MYBBP1A: variants seen among roughly 807,000 people sequenced by gnomAD.
MYBBP1A encodes the protein myb-binding protein 1A.
MYBBP1A carries 147 observed loss-of-function variants against 136.3 expected under a neutral mutation model. The observed-to-expected ratio is 1.08, with a 90% CI of 0.94 to 1.24. The LOEUF (loss-of-function observed/expected upper bound fraction) is 1.24. MYBBP1A is among the 50% of genes most tolerant of loss of function. The pLI is 0.00. For synonymous variants in MYBBP1A, 947 were observed against 735.8 expected (o/e 1.29, Z -4.65); for missense variants, 2,060 against 1,727.4 (o/e 1.19, Z -3.41).
At position 4,539,543 on chromosome 17, in the gene MYBBP1A, A is replaced by G; in HGVS notation, c.3859T>C (p.Leu1287=). Residue 1287 remains leucine (L), a synonymous_variant, in exon 26 of 26, where the codon TTG becomes CTG. Transcript: ENST00000254718. ...AGCGCGGACAGTGGTGATTTGCCCA[A>G]GACCCCCTTTTTGGGAAGAGCCTTC... ...HQKALPKKGV[L]GKSPLSALAR... 6.2e-7 allele frequency: 1 copy of G among 1,614,144 alleles called. No homozygotes were observed. The highest frequency in any genetic ancestry group is 8.5e-7 in the Non-Finnish European group (1 of 1,180,028).
At chr17:4,544,990 T>TGCCCCCCCCC in intron 17 of MYBBP1A, 36 bp downstream of exon 17, 2 of 699,542 alleles carry the variant, frequency 2.9e-6, no homozygotes, top group Non-Finnish European at 1.9e-6. Context: ...ACCCGAGCCC[T>TGCCCCCCCCC]CCCCGGCCGC....
chr17:4,543,884 C>T (rs1193322051), intron 19 of MYBBP1A, among the ~76,000 whole-genome samples: 1 of 148,042 alleles, frequency 6.8e-6, no homozygotes, highest in Non-Finnish European at 1.5e-5. Flanking sequence ...CAGACTCAGA[C>T]CCTTCCCCAC....
At position 4,548,092 on chromosome 17, in the gene MYBBP1A, C is replaced by A; in HGVS notation, c.1725-35G>T. ...GACAGGCGATTCCCAGGCCCCTGCA[C>A]CAGTCAGACTGCAGCGTCCTGCCCA... On this transcript the variant is annotated intron_variant, in intron 12 of 25. Coordinates refer to ENST00000254718, the MANE Select transcript of MYBBP1A (RefSeq NM_014520.4). The surrounding 1 kb of genome is among the most constrained non-coding windows in gnomAD (Gnocchi z 4.2). 1 of 1,601,418 alleles carries A rather than the reference C, an allele frequency of 6.2e-7. No individual in the cohort carries two copies. The highest frequency in any genetic ancestry group is 8.5e-7 in the Non-Finnish European group (1 of 1,177,310).
rs1355077777 is a variant in MYBBP1A at position 4,552,668 on chromosome 17, GT to G, written c.562-43del. 6.3e-7 allele frequency: 1 copy of G among 1,582,820 alleles called. No homozygotes were observed. Among genetic ancestry groups the G allele is most frequent in the East Asian group, 2.2e-5 (1 of 44,532 alleles). Reference sequence around the variant, plus strand: ...AAGAAATCGTGACTTCCTCTGCGGGGTGAGCCTGGTGGATCCTGTTCTACCT... The same window carrying G: ...AAGAAATCGTGACTTCCTCTGCGGGGGAGCCTGGTGGATCCTGTTCTACCT... On this transcript the variant is annotated intron_variant, in intron 5 of 25. Coordinates refer to ENST00000254718, the MANE Select transcript of MYBBP1A (RefSeq NM_014520.4). The surrounding 1 kb of genome is among the most constrained non-coding windows in gnomAD (Gnocchi z 4.7).
intron 8 of MYBBP1A, 87 bp downstream of exon 8, chr17:4,551,793 C>T: frequency 8.4e-7 from 1 of 1,186,874 alleles, no homozygotes; most frequent in Non-Finnish European, 1.2e-6. Flanking sequence ...CTAGCCAAGC[C>T]CCCGAGGTGC....
intron 2 of MYBBP1A, 52 bp downstream of exon 2, chr17:4,554,809 C>A: frequency 6.4e-7 from 1 of 1,566,012 alleles, no homozygotes. Flanking sequence ...CCTCCTCATA[C>A]CCCACCATTT....
chr17:4,555,091 T>C lies in MYBBP1A; in HGVS notation c.198+36A>G, dbSNP rs529476716. ...GCCCGCCGCCGCTTCCTTGCCGGGATATGCGCAGCCTCTGCCCCAGACCCC... is the reference window on the plus strand; with the variant it reads ...GCCCGCCGCCGCTTCCTTGCCGGGACATGCGCAGCCTCTGCCCCAGACCCC... On this transcript the variant is annotated intron_variant, in intron 1 of 25. Transcript: ENST00000254718. The C allele has an allele frequency of 2.4e-5, 37 of 1,564,448 alleles. No individual in the cohort carries two copies. In the South Asian group the frequency reaches 4.2e-4, roughly 18 times the overall value.
chr17:4,551,623 C>A lies in MYBBP1A; in HGVS notation c.1023+257G>T, dbSNP rs975010793. 5.9e-5 allele frequency among the ~76,000 whole-genome samples: 9 copies of A among 152,264 alleles called. No individual in the cohort carries two copies. In the South Asian group the frequency reaches 6.2e-4, roughly 11 times the overall value. ...ACTCAGGAGGCTGAGGCAGGAGAAT[C>A]GCTTGAACCTGGGAGGCGGAGGTTG... On this transcript the variant is annotated intron_variant, in intron 8 of 25. Coordinates refer to ENST00000254718, the MANE Select transcript of MYBBP1A (RefSeq NM_014520.4).
At position 4,539,513 on chromosome 17, in the gene MYBBP1A, G is replaced by C; in HGVS notation, c.3889C>G (p.Arg1297Gly). 6.2e-7 allele frequency: 1 copy of C among 1,614,032 alleles called. No individual in the cohort carries two copies. Among genetic ancestry groups the C allele is most frequent in the South Asian group, 1.1e-5 (1 of 91,074 alleles). ...LGKSPLSALA[R>G]KKARLSLVIR... ...ACCAAAGACAGCCTTGCCTTTTTCC[G>C]TGCCAGCGCGGACAGTGGTGATTTG... The change falls in exon 26 of 26, where the codon CGG (arginine) becomes GGG (glycine). Residue 1297 changes from arginine (R) to glycine (G), a missense_variant. Coordinates refer to ENST00000254718, the MANE Select transcript of MYBBP1A (RefSeq NM_014520.4).
intron 4 of MYBBP1A, 50 bp downstream of exon 4, chr17:4,553,969 C>G: frequency 6.2e-7 from 1 of 1,613,716 alleles, no homozygotes; most frequent in Non-Finnish European, 8.5e-7. Flanking sequence ...GACTGTCCCC[C>G]ACCCATCCCA....
intron 19 of MYBBP1A, among the ~76,000 whole-genome samples, chr17:4,544,160 G>A (rs1317541914): frequency 6.6e-6 from 1 of 151,296 alleles, no homozygotes; most frequent in Non-Finnish European, 1.5e-5. Context: ...CCCCAGCACA[G>A]CCCCACTTGA....
rs1308519255 is a variant in MYBBP1A at position 4,552,118 on chromosome 17, C to T, written c.905+7G>A. On this transcript the variant is annotated splice_region_variant and intron_variant, in intron 7 of 25. Coordinates refer to ENST00000254718, the MANE Select transcript of MYBBP1A (RefSeq NM_014520.4). This position sits in a 1 kb window ranked among gnomAD's most constrained non-coding sequence, Gnocchi z 4.7. ...GGGGGCCGAGAGAGGACACGCGTCG[C>T]CCGCACCTGGCTGGCCAGAACTGCA... is the stretch of plus-strand genomic sequence containing the variant. 1.2e-6 allele frequency: 2 copies of T among 1,612,846 alleles called. No individual in the cohort carries two copies. Among genetic ancestry groups the T allele is most frequent in the Non-Finnish European group, 1.7e-6 (2 of 1,179,182 alleles).
At position 4,549,831 on chromosome 17, in the gene MYBBP1A, T is replaced by C. The variant is rs184164306; in HGVS notation, c.1319+227A>G. Among the ~76,000 whole-genome samples, 347 of 147,824 alleles carry C rather than the reference T, an allele frequency of 2.3e-3. 1 individual carries two copies. Among genetic ancestry groups the C allele is most frequent in the African/African-American group, 7.8e-3 (315 of 40,198 alleles). On this transcript the variant is annotated intron_variant, in intron 9 of 25. Transcript: ENST00000254718. ...AAAAGAACCAGCAAAAACAGGACAT[T>C]CCTTTGCCTGATCTCAGAGACAACA...
At position 4,550,364 on chromosome 17, in the gene MYBBP1A, T is replaced by C. The variant is rs192926106; in HGVS notation, c.1024-11A>G. 34 of 1,605,842 alleles carry C rather than the reference T, an allele frequency of 2.1e-5. No individual in the cohort carries two copies. The Admixed American group carries it at 5.5e-4, about 26-fold the overall frequency. On this transcript the variant is annotated splice_polypyrimidine_tract_variant and intron_variant, in intron 8 of 25. Transcript: ENST00000254718. ...GAACTGCTTTGGGAGCTGCAAGAGT[T>C]AGGCATGGCGCTGAGCCCACCAGCC...
rs1242877708 is a variant in MYBBP1A, at chr17:4,541,835, C to T, written c.3144G>A (p.Glu1048=). The T allele has an allele frequency of 6.2e-7, 1 of 1,613,992 alleles. No individual in the cohort carries two copies. The highest frequency in any genetic ancestry group is 1.3e-5 in the African/African-American group (1 of 74,938). Residue 1048 remains glutamate (E), a synonymous_variant, in exon 23 of 26, where the codon GAG becomes GAA. Coordinates refer to ENST00000254718, the MANE Select transcript of MYBBP1A (RefSeq NM_014520.4). ...CCATCAGCTGCTTCCACTCGGGGTC[C>T]TCAAAGCACGACCTCACCTCCCGCA... The part of the protein sequence containing the change: ...LSMREVRSCF[E]DPEWKQLMGQ...
chr17:4,545,669 T>C lies in MYBBP1A; in HGVS notation c.2014A>G (p.Ser672Gly), dbSNP rs750965864. ...PSHLMRQVAR[S>G]VFGHICSHLT... is the part of the protein sequence containing the mutation. ...TGGGAGCAGATGTGGCCAAACACGC[T>C]CCGGGCCACCTGGCGCATGAGGTGG... is the stretch of plus-strand genomic sequence containing the variant. The change falls in exon 15 of 26, where the codon AGC becomes GGC. Residue 672 changes from serine (S) to glycine (G), a missense_variant. Transcript: ENST00000254718. 3 of 1,611,416 alleles carry C rather than the reference T, an allele frequency of 1.9e-6. No homozygotes were observed. In the South Asian group the frequency reaches 3.3e-5, roughly 18 times the overall value.
At position 4,538,959 on chromosome 17, in the gene MYBBP1A, A is replaced by C. The variant is rs777962669; in HGVS notation, c.*456T>G. 2 of 786,838 alleles carry C rather than the reference A, an allele frequency of 2.5e-6. No homozygotes were observed. The highest frequency in any genetic ancestry group is 1.3e-5 in the South Asian group (1 of 74,720). The allele number at this position is 786,838 out of a possible 1,614,324, so 48.7% of individuals were successfully genotyped here. ...GCTCCTTTATTTTTTAGAGCTGCTG[A>C]TTGTGAATCTCAGAGTCTTAAGAGA... On this transcript the variant is annotated 3_prime_UTR_variant, in exon 26 of 26. Transcript: ENST00000254718.
chr17:4,554,197 T>C lies in MYBBP1A; in HGVS notation c.376A>G (p.Lys126Glu). The C allele has an allele frequency of 6.2e-7, 1 of 1,613,942 alleles. No individual in the cohort carries two copies. Among genetic ancestry groups the C allele is most frequent in the Non-Finnish European group, 8.5e-7 (1 of 1,179,940 alleles). Residue 126 changes from lysine to glutamate, a missense_variant and splice_region_variant, in exon 3 of 26, where the codon AAG (lysine) becomes GAG (glutamate). By Grantham distance (56) the Lys-to-Glu change is moderately conservative. Transcript: ENST00000254718. Reference protein sequence around the residue: ...QEKYDLHQVKKAMLRPALFAN... With the variant: ...QEKYDLHQVKEAMLRPALFAN... ...GACCTCCCTGGCCCCACTCTCACCT[T>C]CTTCACCTGATGCAGGTCATATTTT...
chr17:4,549,275 G>A (rs899651382), intron 10 of MYBBP1A, 57 bp downstream of exon 10: 14 of 1,536,520 alleles, frequency 9.1e-6, no homozygotes, highest in East Asian at 2.3e-5. Flanking sequence ...CGAGTTAAGG[G>A]GCCCCATTCC....
Sources: gnomAD v4.1 joint callset for allele counts (sites outside exome capture counted in the v4.1 genomes callset) on GRCh38, gnomAD v4.1.1 for gene constraint, Gnocchi (gnomAD v3.1) non-coding constraint, MANE v1.5 for transcripts, NCBI Gene and HGNC (gene_info 2026-07-23, HGNC 2026-07-21) for gene names.